PCDHGB2: variants seen among roughly 807,000 people sequenced by gnomAD.
PCDHGB2 encodes the protein protocadherin gamma-B2.
PCDHGB2 carries 55 observed loss-of-function variants against 59.3 expected under a neutral mutation model. The observed-to-expected ratio is 0.93, with a 90% CI of 0.75 to 1.16. PCDHGB2 has a LOEUF of 1.16. PCDHGB2 is among the 50% of genes most tolerant of loss of function. The probability of loss-of-function intolerance (pLI) is 0.00; values close to 1 mark genes in which losing one functional copy is unlikely to be tolerated. For missense variants in PCDHGB2, 1,228 were observed against 1,198.5 expected, an observed-to-expected ratio of 1.02 and a Z score of -0.36; for synonymous variants, 516 against 512.0, an observed-to-expected ratio of 1.01 and a Z score of -0.11.
chr5:141,376,525 T>C (rs1772783963), intron 1 of PCDHGB2: 1 of 1,613,730 alleles, frequency 6.2e-7, no homozygotes, highest in Non-Finnish European at 8.5e-7. Context: ...TCTTTCCGCC[T>C]AAGCGGGAAG....
intron 1 of PCDHGB2, chr5:141,374,363 G>A: frequency 6.2e-7 from 1 of 1,614,034 alleles, no homozygotes; most frequent in Non-Finnish European, 8.5e-7. Context: ...AGACCGCGAG[G>A]AGCTCTGTGC....
intron 1 of PCDHGB2, chr5:141,398,587 C>A (rs2093675414): frequency 6.2e-7 from 1 of 1,613,860 alleles, no homozygotes. Flanking sequence ...AAGATTTATA[C>A]TAGAAGTAGC....
rs577323909 is a variant in PCDHGB2 at position 141,419,160 on chromosome 5, C to G, written c.2421+56604C>G. 13 of 1,613,956 alleles carry G rather than the reference C, an allele frequency of 8.1e-6. 1 individual carries two copies. In the South Asian group the frequency reaches 1.4e-4, roughly 18 times the overall value. On this transcript the variant is annotated intron_variant, in intron 1 of 3. Coordinates refer to ENST00000522605, the MANE Select transcript of PCDHGB2 (RefSeq NM_018923.3). ...GACAGGGGCAAGCCTCCGTTATCCT[C>G]CAGCAAAACCATAACCCTGCACATT...
At chr5:141,448,639 T>C (rs1248697237) in intron 1 of PCDHGB2, among the ~76,000 whole-genome samples, 1 of 152,148 alleles carries the variant, frequency 6.6e-6, no homozygotes, top group Non-Finnish European at 1.5e-5. Context: ...CATTATATCC[T>C]TTAAAAATAT....
At chr5:141,434,763 C>T (rs2097714876) in intron 1 of PCDHGB2, among the ~76,000 whole-genome samples, 1 of 151,296 alleles carries the variant, frequency 6.6e-6, no homozygotes, top group South Asian at 2.1e-4. Flanking sequence ...TTCCCCACTT[C>T]ACACTTCTAA....
rs776923636 is a variant in PCDHGB2 at position 141,361,278 on chromosome 5, A to C, written c.1143A>C (p.Glu381Asp). The C allele has an allele frequency of 3.1e-6, 5 of 1,614,014 alleles. No individual in the cohort carries two copies. The highest frequency in any genetic ancestry group is 4.2e-6 in the Non-Finnish European group (5 of 1,179,890). ...ACAGAGACTCTGGAGAAAATGGAGA[A>C]GTTTACTGCCAAGTGTTGGGAAATG... ...TRDRDSGENG[E>D]VYCQVLGNAK... Residue 381 changes from glutamate to aspartate, a missense_variant, in exon 1 of 4, where the codon GAA becomes GAC. Physicochemically the swap from Glu to Asp is conservative, Grantham distance 45. This residue lies in a region of PCDHGB2 where 781 missense variants were observed against 721.6 expected (regional missense o/e 1.08). Coordinates refer to ENST00000522605, the MANE Select transcript of PCDHGB2 (RefSeq NM_018923.3).
chr5:141,391,929 T>C (rs1035871197), intron 1 of PCDHGB2: 1 of 152,214 alleles, frequency 6.6e-6, no homozygotes, highest in African/African-American at 2.4e-5. Flanking sequence ...ATCTGTACCT[T>C]TCAAGTATTC....
chr5:141,435,804 A>AT (rs2097781092), intron 1 of PCDHGB2, among the ~76,000 whole-genome samples: 1 of 151,814 alleles, frequency 6.6e-6, no homozygotes, highest in Non-Finnish European at 1.5e-5. Flanking sequence ...CGTCCCAATT[A>AT]TTTTTTCTTT....
chr5:141,445,446 G>T (rs2098467238), intron 1 of PCDHGB2, among the ~76,000 whole-genome samples: 1 of 152,264 alleles, frequency 6.6e-6, no homozygotes, highest in Admixed American at 6.5e-5. Flanking sequence ...ATGGACTAAG[G>T]ATGCAGCAAT....
chr5:141,399,890 T>A, intron 1 of PCDHGB2: 1 of 1,612,638 alleles, frequency 6.2e-7, no homozygotes, highest in South Asian at 1.1e-5. Context: ...ACCAAGGTAG[T>A]GGCCGTGGAC....
chr5:141,399,362 C>T (rs182743080), intron 1 of PCDHGB2: 5 of 1,613,990 alleles, frequency 3.1e-6, no homozygotes, highest in East Asian at 2.2e-5. Context: ...GAGCAAACCC[C>T]GGAGTACAAT....
At chr5:141,415,458 C>T in intron 1 of PCDHGB2, 5 of 1,614,204 alleles carry the variant, frequency 3.1e-6, no homozygotes, top group Non-Finnish European at 4.2e-6. Flanking sequence ...CCCACGAGGT[C>T]TCTCTCACCG....
chr5:141,422,744 T>C, intron 1 of PCDHGB2: 1 of 1,610,696 alleles, frequency 6.2e-7, no homozygotes, highest in Non-Finnish European at 8.5e-7. Flanking sequence ...TCCTCCTATG[T>C]CTCTATTAAC....
At chr5:141,470,942 C>T (rs1156728317) in intron 1 of PCDHGB2, among the ~76,000 whole-genome samples, 1 of 152,020 alleles carries the variant, frequency 6.6e-6, no homozygotes, top group Non-Finnish European at 1.5e-5. Context: ...GTCTCAAATT[C>T]CTGGCCTCAA....
chr5:141,482,530 CA>C (rs3074545), intron 1 of PCDHGB2, among the ~76,000 whole-genome samples: 1,133 of 76,538 alleles, frequency 0.015, 6 homozygotes, highest in Admixed American at 0.025. Flanking sequence ...GACAGACATG[CA>C]AAAAAAAAAA....
intron 1 of PCDHGB2, among the ~76,000 whole-genome samples, chr5:141,466,540 G>T (rs1302720337): frequency 6.6e-6 from 1 of 152,094 alleles, no homozygotes; most frequent in Non-Finnish European, 1.5e-5. Context: ...GATGTAGATG[G>T]TCTTTTGCTG....
intron 1 of PCDHGB2, among the ~76,000 whole-genome samples, chr5:141,397,283 A>G: frequency 6.6e-6 from 1 of 152,232 alleles, no homozygotes; most frequent in East Asian, 1.9e-4. Context: ...TGGGCAGTAT[A>G]CTTGAATGAA....
chr5:141,434,938 A>G (rs938787407), intron 1 of PCDHGB2, among the ~76,000 whole-genome samples: 2 of 151,738 alleles, frequency 1.3e-5, no homozygotes, highest in Admixed American at 1.3e-4. Flanking sequence ...TATATAATAG[A>G]TATAATTTAT....
At chr5:141,458,787 C>A (rs968490647) in intron 1 of PCDHGB2, among the ~76,000 whole-genome samples, 1 of 152,004 alleles carries the variant, frequency 6.6e-6, no homozygotes, top group African/African-American at 2.4e-5. Flanking sequence ...GGCTGGAGTG[C>A]AGTGGTGTGA....
Sources: gnomAD v4.1 joint callset for allele counts (sites outside exome capture counted in the v4.1 genomes callset) on GRCh38, gnomAD v4.1.1 for gene constraint, gnomAD v4.1.1 regional missense constraint, MANE v1.5 for transcripts, NCBI Gene and HGNC (gene_info 2026-07-23, HGNC 2026-07-21) for gene names.